PDGFRL: variants seen among roughly 807,000 people sequenced by gnomAD.
PDGFRL encodes platelet-derived growth factor receptor-like protein.
PDGFRL carries 46 observed loss-of-function variants against 37.2 expected under a neutral mutation model. The ratio of observed to expected loss-of-function variants is 1.24; its 90% CI spans 0.98 to 1.58. PDGFRL has a LOEUF of 1.58. Among genes scored for constraint, PDGFRL ranks in the 40% most tolerant of loss-of-function variants. The pLI, the probability that PDGFRL is intolerant of heterozygous loss-of-function variation, is 0.00. For missense variants in PDGFRL, 692 were observed against 467.6 expected (o/e 1.48, Z -4.43); for synonymous variants, 251 against 184.3 (o/e 1.36, Z -2.93).
chr8:17,608,169 C>A lies in PDGFRL; in HGVS notation c.354-12882C>A, dbSNP rs1222817499. 5.9e-5 allele frequency among the ~76,000 whole-genome samples: 9 copies of A among 152,318 alleles called. No homozygotes were observed. The East Asian group carries it at 1.7e-3, about 29-fold the overall frequency. On this transcript the variant is annotated intron_variant, in intron 2 of 5. Transcript: ENST00000251630. ...GCTTGGATTGCCTTTGGGAGTTCAT[C>A]CTGATTTGCCCCTGGTCTCTGCCTT...
chr8:17,609,847 T>C (rs1457784715), intron 2 of PDGFRL, among the ~76,000 whole-genome samples: 1 of 152,062 alleles, frequency 6.6e-6, no homozygotes, highest in Non-Finnish European at 1.5e-5. Context: ...TCAAGCCATA[T>C]TCCCAAGATC....
intron 2 of PDGFRL, among the ~76,000 whole-genome samples, chr8:17,611,087 G>A (rs796313312): frequency 2.9e-4 from 44 of 152,296 alleles, no homozygotes; most frequent in African/African-American, 8.9e-4. Context: ...CGCAGTGGGA[G>A]GCATGCCAAA....
At chr8:17,609,883 A>T (rs1168110396) in intron 2 of PDGFRL, among the ~76,000 whole-genome samples, 1 of 152,094 alleles carries the variant, frequency 6.6e-6, no homozygotes, top group Non-Finnish European at 1.5e-5. Context: ...CCAAGAAAAC[A>T]GTTTGTTTAT....
intron 2 of PDGFRL, among the ~76,000 whole-genome samples, chr8:17,599,730 C>T (rs532519453): frequency 1.3e-5 from 2 of 152,320 alleles, no homozygotes; most frequent in South Asian, 4.1e-4. Flanking sequence ...ATCTCTCTGA[C>T]TTTCAGCTAA....
intron 5 of PDGFRL, among the ~76,000 whole-genome samples, chr8:17,639,381 T>C (rs572328930): frequency 5.3e-4 from 81 of 152,314 alleles, no homozygotes; most frequent in African/African-American, 1.7e-3. Flanking sequence ...CTATGAGATT[T>C]ATGCTTTAAG....
chr8:17,589,069 TCTC>T (rs1803876462), intron 1 of PDGFRL, among the ~76,000 whole-genome samples: 1 of 151,930 alleles, frequency 6.6e-6, no homozygotes. Flanking sequence ...AAAGTTATCT[TCTC>T]TAGAGTTACC....
chr8:17,639,540 A>G lies in PDGFRL; in HGVS notation c.940-3073A>G, dbSNP rs145439581. ...TATCTCTCCTTCATTTATGAAGCTTAGTTTTGCTGTACACAAAATTCTTAG... is the reference window on the plus strand; with the variant it reads ...TATCTCTCCTTCATTTATGAAGCTTGGTTTTGCTGTACACAAAATTCTTAG... On this transcript the variant is annotated intron_variant, in intron 5 of 5. Transcript: ENST00000251630. Among the ~76,000 whole-genome samples, 898 of 152,210 alleles carry G rather than the reference A, an allele frequency of 5.9e-3. 2 individuals are homozygous for G. Among genetic ancestry groups the G allele is most frequent in the Non-Finnish European group, 9.1e-3 (621 of 68,014 alleles).
chr8:17,606,514 T>C (rs1167084069), intron 2 of PDGFRL, among the ~76,000 whole-genome samples: 2 of 152,142 alleles, frequency 1.3e-5, no homozygotes, highest in African/African-American at 4.8e-5. Flanking sequence ...AAATGACAAA[T>C]AGGTGACCTA....
intron 5 of PDGFRL, among the ~76,000 whole-genome samples, chr8:17,638,786 T>A (rs189896878): frequency 0.013 from 1,306 of 102,530 alleles, 22 homozygotes; most frequent in Middle Eastern, 0.019. Flanking sequence ...TATATATATA[T>A]AATTGTGATA....
At chr8:17,622,848 C>T (rs1351005805) in intron 3 of PDGFRL, among the ~76,000 whole-genome samples, 3 of 152,194 alleles carry the variant, frequency 2.0e-5, no homozygotes, top group African/African-American at 7.2e-5. Flanking sequence ...GGCTCCACCC[C>T]ATCCTTTCAG....
At chr8:17,627,807 G>T (rs1342267358) in intron 3 of PDGFRL, among the ~76,000 whole-genome samples, 1 of 151,584 alleles carries the variant, frequency 6.6e-6, no homozygotes, top group African/African-American at 2.4e-5. Context: ...AGCAACTAGT[G>T]TGGTCACTTA....
chr8:17,613,939 C>G (rs1324127053), intron 2 of PDGFRL, among the ~76,000 whole-genome samples: 1 of 152,096 alleles, frequency 6.6e-6, no homozygotes, highest in Non-Finnish European at 1.5e-5. Flanking sequence ...GTAGAGAGAC[C>G]TGAGCCACAT....
At chr8:17,590,968 C>T (rs936306217) in intron 2 of PDGFRL, among the ~76,000 whole-genome samples, 8 of 150,266 alleles carry the variant, frequency 5.3e-5, no homozygotes, top group African/African-American at 1.7e-4. Context: ...CTACAAGCTC[C>T]GCCTCCCGGG....
chr8:17,596,489 A>C (rs1804055497), intron 2 of PDGFRL: 2 of 383,460 alleles, frequency 5.2e-6, no homozygotes, highest in Non-Finnish European at 9.0e-6. Flanking sequence ...TTAGTCTTTG[A>C]CTTCCTACAC....
intron 2 of PDGFRL, among the ~76,000 whole-genome samples, chr8:17,599,987 T>C (rs1804133616): frequency 6.6e-6 from 1 of 152,184 alleles, no homozygotes; most frequent in Non-Finnish European, 1.5e-5. Context: ...TATGGGTCCT[T>C]TTCATCAATA....
intron 2 of PDGFRL, among the ~76,000 whole-genome samples, chr8:17,616,668 C>T (rs996826892): frequency 6.6e-6 from 1 of 152,282 alleles, no homozygotes; most frequent in Admixed American, 6.5e-5. Context: ...CCAAGACCCT[C>T]TTGGCCTAGA....
intron 1 of PDGFRL, among the ~76,000 whole-genome samples, chr8:17,586,429 A>T (rs1803818697): frequency 6.6e-6 from 1 of 152,186 alleles, no homozygotes; most frequent in African/African-American, 2.4e-5. Context: ...GATTTGTGCA[A>T]ATAAAGTGAA....
chr8:17,638,920 G>A (rs58669346), intron 5 of PDGFRL, among the ~76,000 whole-genome samples: 1 of 151,276 alleles, frequency 6.6e-6, no homozygotes. Flanking sequence ...AGACAGGCCT[G>A]CACCTGTAAT....
At chr8:17,615,888 C>T (rs1451758039) in intron 2 of PDGFRL, among the ~76,000 whole-genome samples, 1 of 152,194 alleles carries the variant, frequency 6.6e-6, no homozygotes, top group African/African-American at 2.4e-5. Context: ...AAAGCCTGGG[C>T]AAGAGAGCGA....
Sources: allele counts gnomAD v4.1 joint callset (sites outside exome capture counted in the v4.1 genomes callset), GRCh38; gene constraint gnomAD v4.1.1; transcripts MANE v1.5; gene names NCBI Gene and HGNC (gene_info 2026-07-23, HGNC 2026-07-21).